Variants in MAB21L3 observed in about 807,000 individuals in gnomAD.
MAB21L3 encodes protein mab-21-like 3.
A neutral mutation model predicts 37.7 loss-of-function variants in MAB21L3; 36 were observed. That is an observed-to-expected ratio of 0.96 (90% CI 0.73 to 1.26). The LOEUF (loss-of-function observed/expected upper bound fraction) is 1.26, where lower values mean the gene tolerates loss of function less well. MAB21L3 is among the 50% of genes most tolerant of loss of function. The pLI is 0.00. For missense variants in MAB21L3, 430 were observed against 447.3 expected (o/e 0.96, Z 0.35); for synonymous variants, 186 against 176.8 (o/e 1.05, Z -0.41).
At chr1:116,120,432 A>AACAC (rs1198698955) in intron 3 of MAB21L3, among the ~76,000 whole-genome samples, 3 of 109,736 alleles carry the variant, frequency 2.7e-5, no homozygotes, top group Non-Finnish European at 1.7e-5. Flanking sequence ...CACACACACA[A>AACAC]ACACACACAC....
Position 116,119,024 on chromosome 1 carries a change from T to C in MAB21L3, c.49-1908T>C, listed in dbSNP as rs575818312. On this transcript the variant is annotated intron_variant, in intron 3 of 7. Coordinates refer to ENST00000369500, the MANE Select transcript of MAB21L3 (RefSeq NM_152367.3). ...CAACATGTATGCACAAAGCACAGCATAAAATGGATGTTCCACTCAAATTAC... is the reference window on the plus strand; with the variant it reads ...CAACATGTATGCACAAAGCACAGCACAAAATGGATGTTCCACTCAAATTAC... Among the ~76,000 whole-genome samples the C allele has an allele frequency of 2.0e-5, 3 of 152,368 alleles. No individual in the cohort carries two copies. The East Asian group carries it at 5.8e-4, about 29-fold the overall frequency.
rs747739906 is a variant in MAB21L3 at position 116,133,415 on chromosome 1, T to C, written c.*50T>C. On this transcript the variant is annotated 3_prime_UTR_variant, in exon 8 of 8. Transcript: ENST00000369500. ...TTGGACATTTTATTCTGGCTTAACA[T>C]TGTTCTTTGGATGGTTCCTCAGTCA... 2.0e-6 allele frequency: 3 copies of C among 1,528,670 alleles called. No homozygotes were observed. Among genetic ancestry groups the C allele is most frequent in the East Asian group, 2.3e-5 (1 of 44,214 alleles). 94.7% of individuals were successfully genotyped at this position (1,528,670 alleles called of 1,614,324 possible).
rs1418389367 is a variant in MAB21L3, at chr1:116,124,126, G to C, written c.250G>C (p.Glu84Gln). Residue 84 changes from glutamate (E) to glutamine (Q), a missense_variant, in exon 5 of 8, where the codon GAG (glutamate) becomes CAG (glutamine). Coordinates refer to ENST00000369500, the MANE Select transcript of MAB21L3 (RefSeq NM_152367.3). ...AATAAAAGGCCTGGCCGGGTACAGG[G>C]AGGCCAGGGAGCAGCACTGGCGGTA... ...VPIKGLAGYREAREQHWRYYT... is the reference protein window; with the variant it reads ...VPIKGLAGYRQAREQHWRYYT... 6.2e-7 allele frequency: 1 copy of C among 1,613,878 alleles called. No homozygotes were observed.
chr1:116,135,326 A>G lies in MAB21L3; in HGVS notation c.*1961A>G, dbSNP rs1165675913. 4.0e-5 allele frequency: 6 copies of G among 151,800 alleles called. No homozygotes were observed. Among genetic ancestry groups the G allele is most frequent in the Non-Finnish European group, 7.4e-5 (5 of 67,996 alleles). 9.4% of individuals were successfully genotyped at this position (151,800 alleles called of 1,614,324 possible). A position where few individuals can be genotyped will look rare whatever the true frequency, so the allele number is the denominator to read the frequency against. The stretch of plus-strand genomic sequence containing the variant: ...CACCGATCCCACAGAAATACAAACT[A>G]CCATCAGAGAATACTACAAACTCCT... On this transcript the variant is annotated 3_prime_UTR_variant, in exon 8 of 8. Coordinates refer to ENST00000369500, the MANE Select transcript of MAB21L3 (RefSeq NM_152367.3).
At chr1:116,117,162 C>CATATAT (rs35799148) in intron 3 of MAB21L3, among the ~76,000 whole-genome samples, 7,007 of 114,306 alleles carry the variant, frequency 0.061, 260 homozygotes, top group Non-Finnish European at 0.084. Context: ...AATATACATA[C>CATATAT]ATATATATAT....
At chr1:116,125,023 CAA>C (rs34794672) in intron 5 of MAB21L3, among the ~76,000 whole-genome samples, 2,259 of 143,314 alleles carry the variant, frequency 0.016, 47 homozygotes, top group African/African-American at 0.052. Flanking sequence ...AGATAATTAC[CAA>C]AAAAAAAAAA....
At chr1:116,126,393 T>C (rs950281217) in intron 5 of MAB21L3, among the ~76,000 whole-genome samples, 3 of 152,312 alleles carry the variant, frequency 2.0e-5, no homozygotes, top group Non-Finnish European at 2.9e-5. Context: ...AACGAGGCAA[T>C]GGAGACTTCT....
chr1:116,117,148 T>C, intron 3 of MAB21L3, among the ~76,000 whole-genome samples: 1 of 127,142 alleles, frequency 7.9e-6, no homozygotes, highest in Admixed American at 8.4e-5. Context: ...AACTCAGGAA[T>C]CAAAATATAC....
At position 116,136,673 on chromosome 1, in the gene MAB21L3, T is replaced by G. The variant is rs1056609893; in HGVS notation, c.*3308T>G. Among the ~76,000 whole-genome samples the G allele has an allele frequency of 6.6e-6, 1 of 152,102 alleles. No homozygotes were observed. Among genetic ancestry groups the G allele is most frequent in the Non-Finnish European group, 1.5e-5 (1 of 68,034 alleles). On this transcript the variant is annotated 3_prime_UTR_variant, in exon 8 of 8. Coordinates refer to ENST00000369500, the MANE Select transcript of MAB21L3 (RefSeq NM_152367.3). The stretch of plus-strand genomic sequence containing the variant: ...AAAGAGCCTGCATTGCCAAGTCAAT[T>G]CTAAGCCAAAAGAACAAAGCTGGAG...
Position 116,112,679 on chromosome 1 carries a change from GT to G in MAB21L3, c.48+17del. ...ACTGAATAAGGTAAGGACAGACCCG[GT>G]CTCTCCCATGAACCCCCTCCCCATT... On this transcript the variant is annotated intron_variant, in intron 3 of 7. Transcript: ENST00000369500. The G allele has an allele frequency of 6.2e-7, 1 of 1,613,654 alleles. No individual in the cohort carries two copies. The highest frequency in any genetic ancestry group is 8.5e-7 in the Non-Finnish European group (1 of 1,179,640).
At chr1:116,118,984 C>G (rs1659666517) in intron 3 of MAB21L3, among the ~76,000 whole-genome samples, 2 of 152,236 alleles carry the variant, frequency 1.3e-5, no homozygotes, top group Non-Finnish European at 2.9e-5. Context: ...GTCAAGTTAT[C>G]TATAAACCTC....
At chr1:116,126,676 A>G (rs1659916473) in intron 5 of MAB21L3, among the ~76,000 whole-genome samples, 1 of 152,204 alleles carries the variant, frequency 6.6e-6, no homozygotes. Context: ...AGCCTTCCCT[A>G]TGTTTGCATT....
intron 3 of MAB21L3, among the ~76,000 whole-genome samples, chr1:116,117,229 A>G (rs1258517196): frequency 6.8e-6 from 1 of 147,882 alleles, no homozygotes; most frequent in East Asian, 2.0e-4. Flanking sequence ...TTCAAGTTCT[A>G]TGGAATTACA....
At chr1:116,115,654 C>T (rs1659568573) in intron 3 of MAB21L3, among the ~76,000 whole-genome samples, 1 of 152,176 alleles carries the variant, frequency 6.6e-6, no homozygotes, top group Non-Finnish European at 1.5e-5. Context: ...ACTCTGTCTC[C>T]ATTGCAAGGA....
chr1:116,120,193 C>T (rs1659702081), intron 3 of MAB21L3, among the ~76,000 whole-genome samples: 1 of 152,140 alleles, frequency 6.6e-6, no homozygotes, highest in Non-Finnish European at 1.5e-5. Context: ...AATGGCCTCA[C>T]TGCTAGCCTT....
chr1:116,126,546 G>T (rs1159637287), intron 5 of MAB21L3, among the ~76,000 whole-genome samples: 4 of 152,140 alleles, frequency 2.6e-5, no homozygotes, highest in Non-Finnish European at 4.4e-5. Flanking sequence ...AGAGACTGAG[G>T]CTCAGATAAA....
chr1:116,119,496 G>A (rs568412523), intron 3 of MAB21L3, among the ~76,000 whole-genome samples: 95 of 152,198 alleles, frequency 6.2e-4, no homozygotes, highest in Middle Eastern at 3.4e-3. Context: ...TGGCTGTCGT[G>A]ATCAGTTTAT....
chr1:116,134,357 T>C lies in MAB21L3; in HGVS notation c.*992T>C, dbSNP rs1191318535. The C allele has an allele frequency of 6.6e-6, 1 of 152,188 alleles. No homozygotes were observed. Among genetic ancestry groups the C allele is most frequent in the African/African-American group, 2.4e-5 (1 of 41,436 alleles). 9.4% of individuals were successfully genotyped at this position (152,188 alleles called of 1,614,324 possible). A position where few individuals can be genotyped will look rare whatever the true frequency, so the allele number is the denominator to read the frequency against. ...AGCAAAGTGGATGAGGACCTCCCCC[T>C]GGGGATGCCACCTAATGGTGGAGAC... On this transcript the variant is annotated 3_prime_UTR_variant, in exon 8 of 8. Transcript: ENST00000369500.
At chr1:116,118,949 A>C (rs1659665206) in intron 3 of MAB21L3, among the ~76,000 whole-genome samples, 4 of 152,164 alleles carry the variant, frequency 2.6e-5, no homozygotes, top group African/African-American at 9.7e-5. Flanking sequence ...AGTGATTTTA[A>C]TTTCCAGGTC....
Sources: allele counts gnomAD v4.1 joint callset (sites outside exome capture counted in the v4.1 genomes callset), GRCh38; gene constraint gnomAD v4.1.1; transcripts MANE v1.5; gene names NCBI Gene and HGNC (gene_info 2026-07-23, HGNC 2026-07-21).